Variants in DCAF1 observed in about 807,000 individuals in gnomAD.
The protein encoded by DCAF1 is DDB1- and CUL4-associated factor 1.
A neutral mutation model predicts 128.0 loss-of-function variants in DCAF1; 15 were observed. The observed-to-expected ratio is 0.12, with a 90% CI of 0.08 to 0.18. DCAF1 has a LOEUF of 0.18. DCAF1 is among the 10% of genes least tolerant of loss of function. DCAF1 has a pLI of 1.00. For synonymous variants in DCAF1, 610 were observed against 603.0 expected (o/e 1.01, Z -0.17); for missense variants, 988 against 1,649.5 (o/e 0.60, Z 6.95).
At chr3:51,433,078 T>TC in intron 10 of DCAF1, 28 bp downstream of exon 10, 1 of 398,448 alleles carries the variant, frequency 2.5e-6, no homozygotes, top group Non-Finnish European at 4.4e-6. Context: ...CCTAATCTCA[T>TC]CCCCACAAAC....
intron 4 of DCAF1, among the ~76,000 whole-genome samples, chr3:51,470,004 G>C (rs1325966145): frequency 1.3e-5 from 2 of 152,096 alleles, no homozygotes; most frequent in Non-Finnish European, 2.9e-5. Flanking sequence ...CTGGGCGACA[G>C]AGCAAGATGC....
intron 4 of DCAF1, among the ~76,000 whole-genome samples, chr3:51,468,206 C>T (rs113686472): frequency 0.011 from 1,750 of 152,302 alleles, 46 homozygotes; most frequent in African/African-American, 0.038. Flanking sequence ...GAGTCTTGTT[C>T]TGTCGCCAAG....
At chr3:51,432,953 T>C (rs1201640897) in intron 10 of DCAF1, among the ~76,000 whole-genome samples, 153 bp downstream of exon 10, 1 of 152,240 alleles carries the variant, frequency 6.6e-6, no homozygotes, top group East Asian at 1.9e-4. Flanking sequence ...GAATGCTTTA[T>C]AAAGACTAGA....
intron 1 of DCAF1, among the ~76,000 whole-genome samples, chr3:51,497,158 G>C (rs977210242): frequency 2.0e-5 from 3 of 152,148 alleles, no homozygotes; most frequent in Non-Finnish European, 2.9e-5. Flanking sequence ...AGCCAGGCGT[G>C]GGGGCACACA....
chr3:51,400,323 C>T (rs1479435962), intron 24 of DCAF1, among the ~76,000 whole-genome samples: 1 of 152,184 alleles, frequency 6.6e-6, no homozygotes, highest in African/African-American at 2.4e-5. Context: ...GTGTCCCCAC[C>T]CCATACCACA....
intron 4 of DCAF1, 61 bp downstream of exon 4, chr3:51,470,868 C>T: frequency 2.4e-6 from 3 of 1,274,706 alleles, no homozygotes; most frequent in Non-Finnish European, 3.2e-6. Context: ...AAGACCCTCG[C>T]TTTAATAAAA....
At chr3:51,497,340 A>T (rs1385379996) in intron 1 of DCAF1, among the ~76,000 whole-genome samples, 1 of 152,192 alleles carries the variant, frequency 6.6e-6, no homozygotes, top group African/African-American at 2.4e-5. Flanking sequence ...CTGTAATCCC[A>T]GCACTTTGGG....
intron 6 of DCAF1, among the ~76,000 whole-genome samples, chr3:51,445,892 TAA>T (rs1701800427): frequency 6.6e-6 from 1 of 152,180 alleles, no homozygotes; most frequent in Non-Finnish European, 1.5e-5. Context: ...GTTTATTAAA[TAA>T]GTTCTGCATT....
At chr3:51,492,462 G>A (rs1269231431) in intron 2 of DCAF1, among the ~76,000 whole-genome samples, 2 of 151,932 alleles carry the variant, frequency 1.3e-5, no homozygotes, top group East Asian at 3.9e-4. Flanking sequence ...GTTGCAGTCA[G>A]CCGAGATTAC....
intron 6 of DCAF1, among the ~76,000 whole-genome samples, chr3:51,450,416 A>G (rs965563604): frequency 5.3e-5 from 8 of 152,190 alleles, no homozygotes; most frequent in African/African-American, 1.9e-4. Flanking sequence ...ATTATACATC[A>G]TGACTAAATA....
rs527719663 is a variant in DCAF1, at chr3:51,474,328, G to A, written c.111-3323C>T. On this transcript the variant is annotated intron_variant, in intron 3 of 24. Transcript: ENST00000684031. ...CCAGCTACTCGGGAGGCTGAGGCAG[G>A]AGAATCGCTTGAACTCAGGAGGCGG... 5.9e-5 allele frequency among the ~76,000 whole-genome samples: 9 copies of A among 152,268 alleles called. No individual in the cohort carries two copies. The South Asian group carries it at 1.7e-3, about 28-fold the overall frequency.
At chr3:51,492,726 G>A (rs1553658718) in intron 2 of DCAF1, among the ~76,000 whole-genome samples, 1 of 152,150 alleles carries the variant, frequency 6.6e-6, no homozygotes. Flanking sequence ...CGGGCGCGGT[G>A]GCTCATGCTT....
chr3:51,458,720 G>C (rs1355289213), intron 6 of DCAF1, among the ~76,000 whole-genome samples: 4 of 152,136 alleles, frequency 2.6e-5, no homozygotes, highest in African/African-American at 4.8e-5. Flanking sequence ...CTGTCTCTCA[G>C]ACCACAGTGC....
downstream of DCAF1, chr3:51,397,181 G>A (rs1553623270): frequency 6.0e-6 from 1 of 167,082 alleles, no homozygotes; most frequent in Non-Finnish European, 1.5e-5. Flanking sequence ...AAACTGAGCA[G>A]CTGTTATTTG....
At chr3:51,478,378 G>A (rs1208232632) in intron 3 of DCAF1, among the ~76,000 whole-genome samples, 2 of 152,110 alleles carry the variant, frequency 1.3e-5, no homozygotes, top group African/African-American at 4.8e-5. Context: ...GCTTTGCATG[G>A]CTGAAGAGCA....
intron 4 of DCAF1, among the ~76,000 whole-genome samples, chr3:51,469,940 G>C (rs1408071932): frequency 1.3e-5 from 2 of 152,130 alleles, no homozygotes; most frequent in African/African-American, 4.8e-5. Context: ...AAAATTGCTT[G>C]AACCCAAGAA....
intron 6 of DCAF1, among the ~76,000 whole-genome samples, chr3:51,456,103 C>A (rs1553642748): frequency 6.6e-6 from 1 of 152,176 alleles, no homozygotes. Flanking sequence ...AGAAGCAGGG[C>A]AAGGCATCGC....
In DCAF1 at chr3:51,420,851, G is replaced by T; in HGVS notation, c.2119C>A (p.Pro707Thr). 1 of 1,613,992 alleles carries T rather than the reference G, an allele frequency of 6.2e-7. No homozygotes were observed. ...SSIGKFISGTPRRKLPQNPKS... is the reference protein window; with the variant it reads ...SSIGKFISGTTRRKLPQNPKS... Reference sequence around the variant, plus strand: ...GGGTTCTGAGGCAGCTTTCTCCGAGGAGTACCAGAGATAAATTTACCAATA... The same window carrying T: ...GGGTTCTGAGGCAGCTTTCTCCGAGTAGTACCAGAGATAAATTTACCAATA... Residue 707 changes from proline to threonine, a missense_variant, in exon 15 of 25, where the codon CCT becomes ACT. Physicochemically the swap from Pro to Thr is conservative, Grantham distance 38 (BLOSUM62 -1). Coordinates refer to ENST00000684031, the MANE Select transcript of DCAF1 (RefSeq NM_001387579.1). The surrounding 1 kb of genome is among the most constrained non-coding windows in gnomAD (Gnocchi z 6.5).
intron 9 of DCAF1, among the ~76,000 whole-genome samples, chr3:51,435,009 C>T (rs1700688273): frequency 6.6e-6 from 1 of 152,174 alleles, no homozygotes; most frequent in Non-Finnish European, 1.5e-5. Flanking sequence ...CAAATCTCAC[C>T]AAGGTCAATG....
Sources: gnomAD v4.1 joint callset for allele counts (sites outside exome capture counted in the v4.1 genomes callset) on GRCh38, gnomAD v4.1.1 for gene constraint, Gnocchi (gnomAD v3.1) non-coding constraint, MANE v1.5 for transcripts, NCBI Gene and HGNC (gene_info 2026-07-23, HGNC 2026-07-21) for gene names.